THSD7B: variants seen among roughly 807,000 people sequenced by gnomAD.
THSD7B encodes thrombospondin type-1 domain-containing protein 7B.
In THSD7B, 138 loss-of-function variants were observed where a neutral mutation model predicts 213.6. The observed-to-expected ratio is 0.65, with a 90% CI of 0.56 to 0.74. The LOEUF is 0.74. Among genes scored for constraint, THSD7B ranks in the 30% least tolerant of loss-of-function variants. The pLI, the probability that THSD7B is intolerant of heterozygous loss-of-function variation, is 0.00. For missense variants in THSD7B, 1,931 were observed against 1,991.5 expected (o/e 0.97, Z 0.58); for synonymous variants, 742 against 687.0 (o/e 1.08, Z -1.25).
intron 15 of THSD7B, among the ~76,000 whole-genome samples, chr2:137,487,626 G>A (rs1317857542): frequency 7.3e-5 from 11 of 151,332 alleles, no homozygotes; most frequent in Admixed American, 6.6e-5. Context: ...AATGATAAAG[G>A]GGATATCACC....
intron 1 of THSD7B, among the ~76,000 whole-genome samples, chr2:136,804,220 A>G (rs1216092280): frequency 6.6e-6 from 1 of 152,168 alleles, no homozygotes; most frequent in Non-Finnish European, 1.5e-5. Flanking sequence ...ATCTTCAGCA[A>G]TGTAATTACC....
chr2:137,534,018 GCACACACACACA>G (rs1158544636), intron 15 of THSD7B, among the ~76,000 whole-genome samples: 1 of 113,488 alleles, frequency 8.8e-6, no homozygotes, highest in African/African-American at 3.1e-5. Context: ...GTGTGTGCGC[GCACACACACACA>G]CACACACACA....
intron 12 of THSD7B, among the ~76,000 whole-genome samples, chr2:137,393,456 C>T (rs183087293): frequency 1.3e-5 from 2 of 149,444 alleles, no homozygotes; most frequent in East Asian, 3.9e-4. Context: ...TGATGATTTC[C>T]AATTTCATCC....
intron 12 of THSD7B, among the ~76,000 whole-genome samples, chr2:137,399,120 G>C (rs895080090): frequency 4.0e-4 from 61 of 151,756 alleles, no homozygotes; most frequent in Admixed American, 9.8e-4. Flanking sequence ...GAAATCACCT[G>C]TCTTCTGCGT....
intron 1 of THSD7B, among the ~76,000 whole-genome samples, chr2:136,844,569 G>A (rs1436913815): frequency 1.3e-5 from 2 of 151,902 alleles, no homozygotes; most frequent in African/African-American, 4.8e-5. Flanking sequence ...TGATGACCAA[G>A]CCTAGCAAGG....
intron 12 of THSD7B, among the ~76,000 whole-genome samples, chr2:137,335,844 T>C (rs1443876409): frequency 6.6e-6 from 1 of 152,172 alleles, no homozygotes; most frequent in African/African-American, 2.4e-5. Flanking sequence ...TGAAGAATAT[T>C]GCCCTATCAA....
intron 2 of THSD7B, among the ~76,000 whole-genome samples, chr2:136,897,770 C>T (rs990750028): frequency 1.1e-4 from 16 of 151,694 alleles, no homozygotes; most frequent in African/African-American, 2.9e-4. Flanking sequence ...AGACACAGAG[C>T]GCTGATTGGT....
chr2:136,965,249 C>A (rs781117178), intron 2 of THSD7B, among the ~76,000 whole-genome samples: 7 of 152,166 alleles, frequency 4.6e-5, no homozygotes, highest in Non-Finnish European at 7.3e-5. Flanking sequence ...AGGCCCTTTT[C>A]TAGGCACTGG....
chr2:137,440,431 C>T (rs1687382479), intron 14 of THSD7B, among the ~76,000 whole-genome samples: 1 of 151,524 alleles, frequency 6.6e-6, no homozygotes, highest in Non-Finnish European at 1.5e-5. Context: ...CTCATCCACC[C>T]TCCTCTCCAA....
chr2:137,029,093 T>TG (rs1686610594), intron 2 of THSD7B, among the ~76,000 whole-genome samples: 1 of 150,486 alleles, frequency 6.6e-6, no homozygotes, highest in Non-Finnish European at 1.5e-5. Context: ...TTTTTTTTTT[T>TG]TTTGAGAAAG....
intron 3 of THSD7B, among the ~76,000 whole-genome samples, chr2:137,072,668 C>T (rs1441952885): frequency 6.6e-6 from 1 of 152,162 alleles, no homozygotes; most frequent in Admixed American, 6.5e-5. Flanking sequence ...GAGGGGGCGT[C>T]CCTGTCTTGT....
intron 15 of THSD7B, among the ~76,000 whole-genome samples, chr2:137,508,995 G>A (rs1321055884): frequency 2.0e-5 from 3 of 152,068 alleles, no homozygotes; most frequent in African/African-American, 7.2e-5. Flanking sequence ...TTACCACTAT[G>A]AGGTCGTCCT....
At chr2:137,652,153 G>A (rs1179543350) in intron 21 of THSD7B, among the ~76,000 whole-genome samples, 1 of 151,952 alleles carries the variant, frequency 6.6e-6, no homozygotes, top group South Asian at 2.1e-4. Context: ...GTGTTGAAAT[G>A]TTCTACTATT....
intron 10 of THSD7B, among the ~76,000 whole-genome samples, chr2:137,260,454 A>G (rs1055760203): frequency 6.6e-6 from 1 of 152,166 alleles, no homozygotes; most frequent in Non-Finnish European, 1.5e-5. Flanking sequence ...TTGATTTGTT[A>G]AAAAATTTCT....
chr2:137,329,665 C>T (rs552125407), intron 12 of THSD7B, among the ~76,000 whole-genome samples: 1 of 152,206 alleles, frequency 6.6e-6, no homozygotes. Flanking sequence ...GCACCCAGCC[C>T]AGCAGAAGAA....
At chr2:136,851,662 A>T (rs1170743269) in intron 1 of THSD7B, among the ~76,000 whole-genome samples, 1 of 152,116 alleles carries the variant, frequency 6.6e-6, no homozygotes, top group East Asian at 1.9e-4. Context: ...ACCGGGGCCT[A>T]GAGAGGGATG....
chr2:137,253,466 A>C (rs1223453269), intron 10 of THSD7B, among the ~76,000 whole-genome samples: 1 of 152,210 alleles, frequency 6.6e-6, no homozygotes, highest in Non-Finnish European at 1.5e-5. Context: ...TGGATATTTA[A>C]AATGATTTAT....
chr2:137,425,142 A>G (rs1213334026), intron 14 of THSD7B, among the ~76,000 whole-genome samples: 1 of 151,310 alleles, frequency 6.6e-6, no homozygotes, highest in Non-Finnish European at 1.5e-5. Flanking sequence ...TAGAAACCAT[A>G]TTCTATAACT....
chr2:137,070,427 G>C (rs1009529611), intron 3 of THSD7B, among the ~76,000 whole-genome samples: 2 of 151,576 alleles, frequency 1.3e-5, no homozygotes, highest in African/African-American at 4.8e-5. Flanking sequence ...TACTGCACTT[G>C]TATTTTCATA....
Sources: allele counts gnomAD v4.1 joint callset (sites outside exome capture counted in the v4.1 genomes callset), GRCh38; gene constraint gnomAD v4.1.1; transcripts MANE v1.5; gene names NCBI Gene and HGNC (gene_info 2026-07-23, HGNC 2026-07-21).